The following DACH1 variants were observed in gnomAD, a reference collection of about 807,000 sequenced individuals.
DACH1 encodes the protein dachshund homolog 1.
DACH1 carries 12 observed loss-of-function variants against 54.2 expected under a neutral mutation model. That is an observed-to-expected ratio of 0.22 (90% CI 0.14 to 0.36). The LOEUF (loss-of-function observed/expected upper bound fraction) is 0.36, where lower values mean the gene tolerates loss of function less well. Ranked by LOEUF, DACH1 falls within the 10% of genes least tolerant of loss-of-function variation. The pLI is 1.00. For synonymous variants in DACH1, 386 were observed against 366.2 expected (o/e 1.05, Z -0.62); for missense variants, 805 against 929.8 (o/e 0.87, Z 1.75).
chr13:71,689,244 G>A (rs985457523), intron 1 of DACH1, among the ~76,000 whole-genome samples: 4 of 152,016 alleles, frequency 2.6e-5, no homozygotes, highest in South Asian at 4.1e-4. Flanking sequence ...ATATTCCACC[G>A]GATGCCAGAA....
At chr13:71,775,126 G>GTTTTTTTT in intron 1 of DACH1, among the ~76,000 whole-genome samples, 1 of 62,664 alleles carries the variant, frequency 1.6e-5, no homozygotes, top group African/African-American at 6.7e-5. Flanking sequence ...CTCAACACAA[G>GTTTTTTTT]CTTTTTTTTT....
intron 1 of DACH1, among the ~76,000 whole-genome samples, chr13:71,830,056 G>T (rs1888525967): frequency 6.6e-6 from 1 of 151,738 alleles, no homozygotes; most frequent in African/African-American, 2.4e-5. Flanking sequence ...CTACTTATAG[G>T]AAATCAGAAT....
At chr13:71,754,526 A>G (rs921872154) in intron 1 of DACH1, among the ~76,000 whole-genome samples, 2 of 152,148 alleles carry the variant, frequency 1.3e-5, no homozygotes, top group African/African-American at 4.8e-5. Flanking sequence ...TGTTTTACAG[A>G]TGAGGAAAAT....
intron 6 of DACH1, among the ~76,000 whole-genome samples, chr13:71,542,730 AC>A (rs1883216090): frequency 6.6e-6 from 1 of 152,050 alleles, no homozygotes; most frequent in Non-Finnish European, 1.5e-5. Context: ...AAATATATAA[AC>A]TCTAATCTAA....
In DACH1 at chr13:71,708,852, G is replaced by GTTT. The variant is rs11322352; in HGVS notation, c.849-26945_849-26943dup. On this transcript the variant is annotated intron_variant, in intron 1 of 10. Coordinates refer to ENST00000613252, the MANE Select transcript of DACH1 (RefSeq NM_080759.6). Reference sequence around the variant, plus strand: ...TCTCAGGGTTTCCAAGTTTTTTGTTGTTTTTTTTTTTTTTTTTTGAGACGG... The same window carrying GTTT: ...TCTCAGGGTTTCCAAGTTTTTTGTTGTTTTTTTTTTTTTTTTTTTTTGAGACGG... Among the ~76,000 whole-genome samples the GTTT allele has an allele frequency of 8.5e-4, 102 of 120,368 alleles. 1 individual carries two copies. The highest frequency in any genetic ancestry group is 4.9e-3 in the Middle Eastern group (1 of 206). The allele number at this position is 120,368 out of a possible 152,430, so 79.0% of individuals were successfully genotyped here. A position where few individuals can be genotyped will look rare whatever the true frequency, so the allele number is the denominator to read the frequency against.
intron 6 of DACH1, among the ~76,000 whole-genome samples, chr13:71,553,583 T>C (rs2138366477): frequency 6.8e-6 from 1 of 146,158 alleles, no homozygotes; most frequent in Admixed American, 6.9e-5. Context: ...TTTTGCATTT[T>C]GTATTTTTAT....
intron 6 of DACH1, among the ~76,000 whole-genome samples, chr13:71,554,592 C>T (rs749810856): frequency 5.3e-5 from 8 of 152,108 alleles, no homozygotes; most frequent in Non-Finnish European, 7.4e-5. Context: ...TGCTATTAAT[C>T]CTTAAAGCAT....
rs549496604 is a variant in DACH1, at chr13:71,854,743, G to C, written c.848+11179C>G. ...TTCCATCACAGTTAGAGAGAGTGGAGTGCAATAGCCATGTTAAATCACCAT... is the reference window on the plus strand; with the variant it reads ...TTCCATCACAGTTAGAGAGAGTGGACTGCAATAGCCATGTTAAATCACCAT... On this transcript the variant is annotated intron_variant, in intron 1 of 10. Coordinates refer to ENST00000613252, the MANE Select transcript of DACH1 (RefSeq NM_080759.6). 1.2e-4 allele frequency among the ~76,000 whole-genome samples: 19 copies of C among 152,140 alleles called. No homozygotes were observed. The South Asian group carries it at 2.1e-3, about 17-fold the overall frequency.
intron 1 of DACH1, among the ~76,000 whole-genome samples, chr13:71,779,136 T>TACATATAC (rs1566494562): frequency 1.8e-3 from 250 of 141,604 alleles, no homozygotes; most frequent in African/African-American, 6.0e-3. Context: ...TATACATATA[T>TACATATAC]ACACATATAT....
intron 3 of DACH1, among the ~76,000 whole-genome samples, chr13:71,628,517 A>G (rs1876830699): frequency 1.3e-5 from 2 of 152,014 alleles, no homozygotes; most frequent in African/African-American, 4.8e-5. Context: ...AACTATTAAG[A>G]CTTTCTAGGA....
intron 6 of DACH1, among the ~76,000 whole-genome samples, chr13:71,494,325 A>G (rs1239481501): frequency 6.6e-6 from 1 of 152,018 alleles, no homozygotes. Context: ...TTTCAATTTT[A>G]CAATGGTATA....
At chr13:71,841,127 C>A (rs1872809798) in intron 1 of DACH1, among the ~76,000 whole-genome samples, 2 of 152,154 alleles carry the variant, frequency 1.3e-5, no homozygotes, top group African/African-American at 2.4e-5. Context: ...GATTTCAACT[C>A]TAAAAAGTTT....
intron 6 of DACH1, among the ~76,000 whole-genome samples, chr13:71,490,946 G>T (rs913449821): frequency 6.6e-6 from 1 of 152,140 alleles, no homozygotes; most frequent in Non-Finnish European, 1.5e-5. Flanking sequence ...ACCACCTGAA[G>T]TTGCTTTCAG....
intron 2 of DACH1, among the ~76,000 whole-genome samples, chr13:71,660,411 T>C (rs1432516697): frequency 2.6e-5 from 4 of 152,120 alleles, no homozygotes; most frequent in Non-Finnish European, 5.9e-5. Flanking sequence ...TTTAACAATT[T>C]TAAAATATGT....
intron 1 of DACH1, among the ~76,000 whole-genome samples, chr13:71,809,986 C>T (rs549039246): frequency 2.6e-5 from 4 of 152,146 alleles, no homozygotes; most frequent in African/African-American, 9.6e-5. Flanking sequence ...GTAGACAATG[C>T]TGTGTGTGTG....
intron 1 of DACH1, among the ~76,000 whole-genome samples, chr13:71,745,770 G>C (rs371255044): frequency 1.4e-4 from 22 of 152,102 alleles, no homozygotes; most frequent in East Asian, 9.6e-4. Context: ...CAAACAAAAC[G>C]GTGTACTCAA....
At chr13:71,586,371 T>C (rs1376091061) in intron 3 of DACH1, among the ~76,000 whole-genome samples, 1 of 152,172 alleles carries the variant, frequency 6.6e-6, no homozygotes, top group African/African-American at 2.4e-5. Context: ...CTTCAATCTT[T>C]TTTAAAGAAA....
Position 71,598,677 on chromosome 13 carries a change from G to A in DACH1, c.1127-25665C>T, listed in dbSNP as rs1264522355. Among the ~76,000 whole-genome samples, 18 of 152,302 alleles carry A rather than the reference G, an allele frequency of 1.2e-4. No individual in the cohort carries two copies. The South Asian group carries it at 1.2e-3, about 11-fold the overall frequency. ...CAATTGGGCCATGATTGAGTTGCCA[G>A]TACTCAAAAGCCTATTTAAACCACT... On this transcript the variant is annotated intron_variant, in intron 3 of 10. Transcript: ENST00000613252.
intron 3 of DACH1, among the ~76,000 whole-genome samples, chr13:71,604,464 C>G (rs916051231): frequency 1.3e-5 from 2 of 151,822 alleles, no homozygotes; most frequent in Non-Finnish European, 2.9e-5. Flanking sequence ...ATAACTCATC[C>G]AATACCATTA....
Sources: allele counts gnomAD v4.1 joint callset (sites outside exome capture counted in the v4.1 genomes callset), GRCh38; gene constraint gnomAD v4.1.1; transcripts MANE v1.5; gene names NCBI Gene and HGNC (gene_info 2026-07-23, HGNC 2026-07-21).